Variants in CDH13 observed in about 807,000 individuals in gnomAD.
The protein encoded by CDH13 is cadherin-13.
In CDH13, 24 loss-of-function variants were observed where a neutral mutation model predicts 63.8. The ratio of observed to expected loss-of-function variants is 0.38; its 90% CI spans 0.27 to 0.53. The LOEUF (loss-of-function observed/expected upper bound fraction) is 0.53. Ranked by LOEUF, CDH13 falls within the 20% of genes least tolerant of loss-of-function variation. CDH13 has a pLI of 0.85. For synonymous variants in CDH13, 503 were observed against 355.3 expected (o/e 1.42, Z -4.67); for missense variants, 1,049 against 903.1 (o/e 1.16, Z -2.07).
At chr16:83,233,170 A>T (rs1424165) in intron 5 of CDH13, among the ~76,000 whole-genome samples, 50,865 of 152,084 alleles carry the variant, frequency 0.33, 9,235 homozygotes, top group African/African-American at 0.44. Flanking sequence ...ATGTGCAAAT[A>T]TACGAGACAA....
Position 83,797,863 on chromosome 16 carries a change from C to T in CDH13, c.*2833C>T, listed in dbSNP as rs557323391. 2.7e-4 allele frequency: 41 copies of T among 152,120 alleles called. No individual in the cohort carries two copies. Among genetic ancestry groups the T allele is most frequent in the South Asian group, 6.2e-4 (3 of 4,828 alleles). 9.4% of individuals were successfully genotyped at this position (152,120 alleles called of 1,614,324 possible). On this transcript the variant is annotated 3_prime_UTR_variant, in exon 14 of 14. Coordinates refer to ENST00000567109, the MANE Select transcript of CDH13 (RefSeq NM_001257.5). ...CACATTTTCTCCCTCATTTTACATA[C>T]GATAAATTAATTATTTTGGATAATT...
At chr16:83,351,230 T>C (rs1177532584) in intron 6 of CDH13, among the ~76,000 whole-genome samples, 1 of 151,790 alleles carries the variant, frequency 6.6e-6, no homozygotes, top group South Asian at 2.1e-4. Flanking sequence ...CATTCTCAAC[T>C]GCCCCAACCA....
At position 83,741,357 on chromosome 16, in the gene CDH13, C is replaced by G. The variant is rs546923053; in HGVS notation, c.1539-6751C>G. On this transcript the variant is annotated intron_variant, in intron 10 of 13. Transcript: ENST00000567109. ...ATTCCCCTACTGTTTCCCTTCTTTC[C>G]TACAGTTTTACAGGGTTGTTTGTAT... 3.9e-5 allele frequency among the ~76,000 whole-genome samples: 6 copies of G among 152,094 alleles called. 1 individual carries two copies. The highest frequency in any genetic ancestry group is 8.8e-5 in the Non-Finnish European group (6 of 67,996).
chr16:83,302,383 C>A (rs1226487115), intron 5 of CDH13, among the ~76,000 whole-genome samples: 1 of 152,128 alleles, frequency 6.6e-6, no homozygotes, highest in African/African-American at 2.4e-5. Flanking sequence ...AAGTTCTTGG[C>A]ACAGAATAGC....
At chr16:83,385,011 G>C (rs2091644759) in intron 6 of CDH13, among the ~76,000 whole-genome samples, 1 of 152,198 alleles carries the variant, frequency 6.6e-6, no homozygotes, top group Non-Finnish European at 1.5e-5. Context: ...AAAGATGGTT[G>C]GCAAACAGCA....
chr16:82,913,636 G>C (rs1319989550), intron 2 of CDH13, among the ~76,000 whole-genome samples: 1 of 152,206 alleles, frequency 6.6e-6, no homozygotes, highest in African/African-American at 2.4e-5. Flanking sequence ...GGCACAAGAT[G>C]CGATCGCTGA....
intron 7 of CDH13, among the ~76,000 whole-genome samples, chr16:83,494,678 G>C (rs951624649): frequency 2.6e-5 from 4 of 152,206 alleles, no homozygotes; most frequent in East Asian, 1.9e-4. Flanking sequence ...CTGGAAAGCA[G>C]TTTGCAGAGA....
intron 5 of CDH13, among the ~76,000 whole-genome samples, chr16:83,267,427 G>C (rs1264863544): frequency 6.6e-6 from 1 of 152,184 alleles, no homozygotes; most frequent in Non-Finnish European, 1.5e-5. Flanking sequence ...GAGAAAGAGA[G>C]AGCAGCTCTC....
intron 10 of CDH13, among the ~76,000 whole-genome samples, chr16:83,718,951 A>G (rs1909310285): frequency 6.6e-6 from 1 of 152,192 alleles, no homozygotes; most frequent in Non-Finnish European, 1.5e-5. Context: ...AGCCTGCTGC[A>G]TAGATGAGCA....
At chr16:83,263,069 A>G (rs908498520) in intron 5 of CDH13, among the ~76,000 whole-genome samples, 3 of 152,244 alleles carry the variant, frequency 2.0e-5, no homozygotes, top group Non-Finnish European at 4.4e-5. Flanking sequence ...TGTTATTTGA[A>G]TGAATACATA....
intron 7 of CDH13, among the ~76,000 whole-genome samples, chr16:83,601,655 A>G (rs894767349): frequency 3.9e-5 from 6 of 152,196 alleles, no homozygotes; most frequent in Non-Finnish European, 5.9e-5. Flanking sequence ...AAGTGAGGTA[A>G]TGCAATGCCT....
chr16:82,704,990 A>G (rs1441150390), intron 1 of CDH13: 2 of 364,866 alleles, frequency 5.5e-6, no homozygotes, highest in Non-Finnish European at 1.1e-5. Flanking sequence ...CTGCTGCCTC[A>G]TGAGGAAGGT....
intron 8 of CDH13, among the ~76,000 whole-genome samples, chr16:83,658,635 CAT>C (rs1306218640): frequency 6.6e-6 from 1 of 151,516 alleles, no homozygotes; most frequent in East Asian, 2.0e-4. Context: ...AGCAAGGTCT[CAT>C]GTCCTCACCA....
At position 82,998,447 on chromosome 16, in the gene CDH13, T is replaced by C. The variant is rs192569627; in HGVS notation, c.158-33563T>C. On this transcript the variant is annotated intron_variant, in intron 2 of 13. Transcript: ENST00000567109. ...TTTTTTATAGTGACATGTAACTTTTTCTTTTTCTGGACAGCCTGTCCTCTT... is the reference window on the plus strand; with the variant it reads ...TTTTTTATAGTGACATGTAACTTTTCCTTTTTCTGGACAGCCTGTCCTCTT... 1.8e-3 allele frequency among the ~76,000 whole-genome samples: 268 copies of C among 152,318 alleles called. 2 individuals carry two copies. The highest frequency in any genetic ancestry group is 6.2e-3 in the African/African-American group (258 of 41,592).
intron 3 of CDH13, among the ~76,000 whole-genome samples, chr16:83,099,838 G>A (rs142554576): frequency 3.1e-4 from 47 of 152,206 alleles, no homozygotes; most frequent in Middle Eastern, 6.8e-3. Context: ...AGCGCCAGAC[G>A]CGGGAGAGCA....
At chr16:83,095,482 G>A (rs900520529) in intron 3 of CDH13, among the ~76,000 whole-genome samples, 1 of 152,136 alleles carries the variant, frequency 6.6e-6, no homozygotes, top group African/African-American at 2.4e-5. Flanking sequence ...CCTGCTTTTG[G>A]ACACTGGTAT....
At chr16:83,678,754 C>T (rs569487730) in intron 10 of CDH13, among the ~76,000 whole-genome samples, 15 of 152,238 alleles carry the variant, frequency 9.9e-5, no homozygotes, top group South Asian at 2.1e-4. Context: ...AGTCCTTGAA[C>T]GGAGAGAGAA....
chr16:83,664,057 T>C (rs1323275328), intron 8 of CDH13, among the ~76,000 whole-genome samples: 1 of 151,722 alleles, frequency 6.6e-6, no homozygotes, highest in African/African-American at 2.4e-5. Flanking sequence ...TGGTCCCAGC[T>C]AAGGCAGAAG....
chr16:82,904,815 G>T (rs899161220), intron 2 of CDH13, among the ~76,000 whole-genome samples: 1 of 152,192 alleles, frequency 6.6e-6, no homozygotes. Context: ...ATTACTCCAT[G>T]TGGGCCACCG....
Sources: allele counts gnomAD v4.1 joint callset (sites outside exome capture counted in the v4.1 genomes callset), GRCh38; gene constraint gnomAD v4.1.1; transcripts MANE v1.5; gene names NCBI Gene and HGNC (gene_info 2026-07-23, HGNC 2026-07-21).